AKAP13: variants seen among roughly 807,000 people sequenced by gnomAD.
AKAP13 encodes A-kinase anchoring protein 13.
A neutral mutation model predicts 264.5 loss-of-function variants in AKAP13; 80 were observed. That is an observed-to-expected ratio of 0.30 (90% CI 0.25 to 0.36). The LOEUF (loss-of-function observed/expected upper bound fraction) is 0.36. Ranked by LOEUF, AKAP13 falls within the 10% of genes least tolerant of loss-of-function variation. The pLI is 1.00. For missense variants in AKAP13, 3,712 were observed against 3,435.2 expected (o/e 1.08, Z -2.01); for synonymous variants, 1,380 against 1,250.2 (o/e 1.10, Z -2.19).
At chr15:85,740,929 G>A (rs1037061381) in intron 34 of AKAP13, 117 bp from the exon 35 acceptor site, 1 of 1,464,970 alleles carries the variant, frequency 6.8e-7, no homozygotes, top group African/African-American at 1.4e-5. Flanking sequence ...GAAAAATGAG[G>A]GGAGAGTTCT....
chr15:85,534,972 C>G (rs897480028), intron 4 of AKAP13: 1 of 152,148 alleles, frequency 6.6e-6, no homozygotes, highest in African/African-American at 2.4e-5. Flanking sequence ...ATGTTTATTA[C>G]TGATGAAATC....
At chr15:85,399,525 A>AT (rs2071308698) in intron 1 of AKAP13, among the ~76,000 whole-genome samples, 6 of 102,136 alleles carry the variant, frequency 5.9e-5, no homozygotes, top group African/African-American at 2.2e-4. Flanking sequence ...AAAAAAAATA[A>AT]AAAAATAAAA....
At chr15:85,667,061 A>G (rs777850478) in intron 13 of AKAP13, among the ~76,000 whole-genome samples, 5 of 152,260 alleles carry the variant, frequency 3.3e-5, no homozygotes, top group African/African-American at 4.8e-5. Context: ...GTTTTTGAAT[A>G]GATGACTGGA....
In AKAP13 at chr15:85,718,651, C is replaced by T. The variant is rs2087100955; in HGVS notation, c.6002-425C>T. ...GCTCAGCGGCTCATACCTGTAATCC[C>T]AGCACTCTGGGAGGCTGAGGCGGGT... On this transcript the variant is annotated intron_variant, in intron 22 of 36. Transcript: ENST00000394518. This position sits in a 1 kb window ranked among gnomAD's most constrained non-coding sequence, Gnocchi z 4.9. The T allele has an allele frequency of 4.9e-6, 1 of 203,010 alleles. No homozygotes were observed. Among genetic ancestry groups the T allele is most frequent in the African/African-American group, 2.4e-5 (1 of 42,092 alleles). The allele number at this position is 203,010 out of a possible 1,614,324, so 12.6% of individuals were successfully genotyped here. A position where few individuals can be genotyped will look rare whatever the true frequency, so the allele number is the denominator to read the frequency against.
At chr15:85,680,603 C>A (rs1255584183) in intron 14 of AKAP13, among the ~76,000 whole-genome samples, 1 of 152,054 alleles carries the variant, frequency 6.6e-6, no homozygotes. Context: ...AATGGCTCAC[C>A]CCTGTAATCC....
chr15:85,494,262 G>GTAAA (rs1329161859), intron 2 of AKAP13, among the ~76,000 whole-genome samples: 1 of 152,122 alleles, frequency 6.6e-6, no homozygotes, highest in Non-Finnish European at 1.5e-5. Flanking sequence ...TCCAGAAACA[G>GTAAA]TAAATAAATC....
intron 25 of AKAP13, 107 bp from the exon 26 acceptor site, chr15:85,722,965 A>C: frequency 7.0e-7 from 1 of 1,433,424 alleles, no homozygotes; most frequent in Non-Finnish European, 9.4e-7. Flanking sequence ...CTCTGATAGC[A>C]TAGTCACAAA....
intron 1 of AKAP13, among the ~76,000 whole-genome samples, chr15:85,405,300 T>A (rs1046730056): frequency 3.3e-5 from 5 of 152,242 alleles, no homozygotes; most frequent in African/African-American, 1.2e-4. Context: ...CTGGGTAGTT[T>A]AAAAGACCCA....
chr15:85,517,278 T>G (rs1596395099), intron 2 of AKAP13, among the ~76,000 whole-genome samples: 1 of 152,212 alleles, frequency 6.6e-6, no homozygotes, highest in Non-Finnish European at 1.5e-5. Context: ...CAAAGCCCAT[T>G]TCTTTCCATT....
chr15:85,741,260 G>A lies in AKAP13; in HGVS notation c.7823G>A (p.Arg2608His), dbSNP rs375611861. 5.6e-6 allele frequency: 9 copies of A among 1,609,720 alleles called. No individual in the cohort carries two copies. Among genetic ancestry groups the A allele is most frequent in the South Asian group, 5.5e-5 (5 of 90,560 alleles). The change falls in exon 35 of 37, where the codon CGT becomes CAT. Residue 2608 changes from arginine to histidine, a missense_variant. This residue lies in a region of AKAP13 where 611 missense variants were observed against 539.3 expected (regional missense o/e 1.13). Coordinates refer to ENST00000394518, the MANE Select transcript of AKAP13 (RefSeq NM_007200.5). ...AGGCGCGAGCGTGAGTGGGAAGCTC[G>A]TGAGAGGGAGCTGCGGGAGCGGGAG... ...KRRREREWEA[R>H]ERELREREAL...
At position 85,718,998 on chromosome 15, in the gene AKAP13, G is replaced by C; in HGVS notation, c.6002-78G>C. On this transcript the variant is annotated intron_variant, in intron 22 of 36. Transcript: ENST00000394518. This position sits in a 1 kb window ranked among gnomAD's most constrained non-coding sequence, Gnocchi z 4.9. The stretch of plus-strand genomic sequence containing the variant: ...CAAATTGGGCTCTAAACTAGCTTTG[G>C]GACTGCAGCAGATGATCTTTGAGGG... 2 of 1,571,304 alleles carry C rather than the reference G, an allele frequency of 1.3e-6. No homozygotes were observed. Among genetic ancestry groups the C allele is most frequent in the Non-Finnish European group, 1.7e-6 (2 of 1,158,508 alleles).
At chr15:85,474,942 C>T (rs4530079) in intron 1 of AKAP13, among the ~76,000 whole-genome samples, 113,215 of 152,092 alleles carry the variant, frequency 0.74, 43,176 homozygotes, top group Non-Finnish European at 0.85. Flanking sequence ...GAAGGTGGGC[C>T]GTGCCTGCCT....
In AKAP13 at chr15:85,741,222, C is replaced by G; in HGVS notation, c.7785C>G (p.Leu2595=). 1.9e-6 allele frequency: 3 copies of G among 1,609,066 alleles called. No homozygotes were observed. Among genetic ancestry groups the G allele is most frequent in the Non-Finnish European group, 2.5e-6 (3 of 1,177,732 alleles). Residue 2595 remains leucine (L), a synonymous_variant, in exon 35 of 37, where the codon CTC becomes CTG. Transcript: ENST00000394518. ...ANLQKQQAQY[L]EEKRRREREW... ...TGCAGAAGCAGCAGGCCCAGTACCTCGAGGAGAAGCGCAGGCGCGAGCGTG... is the reference window on the plus strand; with the variant it reads ...TGCAGAAGCAGCAGGCCCAGTACCTGGAGGAGAAGCGCAGGCGCGAGCGTG...
At chr15:85,397,222 C>T (rs867320787) in intron 1 of AKAP13, among the ~76,000 whole-genome samples, 3 of 152,132 alleles carry the variant, frequency 2.0e-5, no homozygotes, top group African/African-American at 7.2e-5. Context: ...CCAAAAACAA[C>T]TGATACATTG....
chr15:85,439,519 A>G (rs1302935928), intron 1 of AKAP13, among the ~76,000 whole-genome samples: 11 of 151,170 alleles, frequency 7.3e-5, no homozygotes, highest in Non-Finnish European at 1.2e-4. Flanking sequence ...ACACATGCAC[A>G]CGTATGTTTA....
intron 11 of AKAP13, among the ~76,000 whole-genome samples, chr15:85,657,777 A>T (rs942352654): frequency 1.3e-5 from 2 of 149,162 alleles, no homozygotes; most frequent in African/African-American, 5.0e-5. Context: ...AATGATCCCT[A>T]CAGCCAGAGC....
At chr15:85,419,986 G>C (rs944001072) in intron 1 of AKAP13, among the ~76,000 whole-genome samples, 7 of 126,852 alleles carry the variant, frequency 5.5e-5, no homozygotes, top group African/African-American at 2.1e-4. Flanking sequence ...CTGTTGCCCA[G>C]GCTGGAGTGC....
In AKAP13 at chr15:85,744,691, T is replaced by G; in HGVS notation, c.*14T>G. On this transcript the variant is annotated 3_prime_UTR_variant, in exon 37 of 37. Coordinates refer to ENST00000394518, the MANE Select transcript of AKAP13 (RefSeq NM_007200.5). ...ATCTTCTGCTGACCCTCTTCCTCTC[T>G]GCTGAGGCAGCTGCCTCCTGATCCT... 1 of 1,592,776 alleles carries G rather than the reference T, an allele frequency of 6.3e-7. No individual in the cohort carries two copies. Among genetic ancestry groups the G allele is most frequent in the Non-Finnish European group, 8.5e-7 (1 of 1,170,278 alleles).
At chr15:85,484,702 T>C (rs1186873838) in intron 1 of AKAP13, among the ~76,000 whole-genome samples, 1 of 152,234 alleles carries the variant, frequency 6.6e-6, no homozygotes, top group Admixed American at 6.5e-5. Context: ...GAGATGGTTC[T>C]GTTATTTGAG....
Sources: gnomAD v4.1 joint callset for allele counts (sites outside exome capture counted in the v4.1 genomes callset) on GRCh38, gnomAD v4.1.1 for gene constraint, gnomAD v4.1.1 regional missense constraint, Gnocchi (gnomAD v3.1) non-coding constraint, MANE v1.5 for transcripts, NCBI Gene and HGNC (gene_info 2026-07-23, HGNC 2026-07-21) for gene names.